ZDHHC15: variants seen among roughly 807,000 people sequenced by gnomAD.
ZDHHC15 encodes the protein zDHHC palmitoyltransferase 15.
Under a neutral mutation model 31.7 loss-of-function variants are expected in ZDHHC15, and 19 were observed. That is an observed-to-expected ratio of 0.60 (90% confidence interval 0.42 to 0.88). ZDHHC15 has a LOEUF of 0.88. ZDHHC15 is among the 40% of genes least tolerant of loss of function. ZDHHC15 has a pLI of 0.00. For missense variants in ZDHHC15, 209 were observed against 251.2 expected (o/e 0.83, Z 1.14); for synonymous variants, 103 against 90.0 (o/e 1.14, Z -0.82).
intron 4 of ZDHHC15, among the ~76,000 whole-genome samples, chrX:75,448,117 GGAAA>G (rs1472346059): frequency 8.9e-6 from 1 of 112,113 alleles, no homozygotes; most frequent in African/African-American, 3.2e-5. Flanking sequence ...CTGCAATGGA[GGAAA>G]GAAAGACTAT....
chrX:75,485,128 G>T (rs1173934670), intron 2 of ZDHHC15, among the ~76,000 whole-genome samples: 1 of 111,447 alleles, frequency 9.0e-6, no homozygotes, highest in Non-Finnish European at 1.9e-5. Context: ...TAACTGTATA[G>T]TGGTGGTTTT....
chrX:75,438,732 G>T (rs891231994), intron 4 of ZDHHC15, among the ~76,000 whole-genome samples: 1 of 111,173 alleles, frequency 9.0e-6, no homozygotes, highest in African/African-American at 3.3e-5. Flanking sequence ...TTTACATTGT[G>T]TTTTTGTTTT....
intron 2 of ZDHHC15, among the ~76,000 whole-genome samples, chrX:75,494,386 C>T (rs781156098): frequency 9.0e-6 from 1 of 111,169 alleles, no homozygotes; most frequent in African/African-American, 3.3e-5. Context: ...TCAATGCCAT[C>T]CCCATCAAGC....
chrX:75,401,227 A>G (rs1178752493), intron 10 of ZDHHC15, among the ~76,000 whole-genome samples: 1 of 108,671 alleles, frequency 9.2e-6, no homozygotes, highest in Non-Finnish European at 1.9e-5. Flanking sequence ...CTAATACATT[A>G]AAGCAGTCAC....
At chrX:75,409,656 G>T (rs1213330459) in intron 10 of ZDHHC15, among the ~76,000 whole-genome samples, 1 of 106,414 alleles carries the variant, frequency 9.4e-6, no homozygotes, top group Non-Finnish European at 1.9e-5. Context: ...TTAGCTGGGC[G>T]TGGTGGCAGG....
chrX:75,517,868 C>T (rs890847562), intron 1 of ZDHHC15, among the ~76,000 whole-genome samples: 1 of 110,216 alleles, frequency 9.1e-6, no homozygotes, highest in Non-Finnish European at 1.9e-5. Flanking sequence ...ACAGGGCACA[C>T]GCCTGTAGCC....
At chrX:75,438,948 G>A (rs1165545989) in intron 4 of ZDHHC15, among the ~76,000 whole-genome samples, 1 of 111,419 alleles carries the variant, frequency 9.0e-6, no homozygotes, top group Non-Finnish European at 1.9e-5. Context: ...TTCTTGGCTG[G>A]TAATTATTTT....
chrX:75,458,410 C>T (rs750799711), intron 3 of ZDHHC15, among the ~76,000 whole-genome samples: 1 of 111,485 alleles, frequency 9.0e-6, no homozygotes, highest in East Asian at 2.8e-4. Flanking sequence ...TATGGGGAAA[C>T]ATTCATCAAA....
At chrX:75,433,117 T>A (rs1168477511) in intron 4 of ZDHHC15, among the ~76,000 whole-genome samples, 1 of 112,084 alleles carries the variant, frequency 8.9e-6, no homozygotes, top group Non-Finnish European at 1.9e-5. Flanking sequence ...GCCTATCTCT[T>A]CAAATGAATC....
At chrX:75,452,737 C>G (rs897353185) in intron 3 of ZDHHC15, among the ~76,000 whole-genome samples, 1 of 111,949 alleles carries the variant, frequency 8.9e-6, no homozygotes, top group Non-Finnish European at 1.9e-5. Context: ...GAAACTCAGT[C>G]AAAACCGCAC....
intron 10 of ZDHHC15, among the ~76,000 whole-genome samples, chrX:75,410,776 T>G (rs766111001): frequency 1.2e-4 from 14 of 112,471 alleles, no homozygotes; most frequent in Non-Finnish European, 2.4e-4. Context: ...CAAAGAGATA[T>G]TTGTACTCCT....
At chrX:75,506,400 C>T (rs954245649) in intron 1 of ZDHHC15, among the ~76,000 whole-genome samples, 8 of 111,422 alleles carry the variant, frequency 7.2e-5, no homozygotes, top group Non-Finnish European at 1.5e-4. Context: ...TTTCTTCAGG[C>T]CTTTCATCAG....
At chrX:75,461,579 A>T (rs969045973) in intron 3 of ZDHHC15, among the ~76,000 whole-genome samples, 1 of 112,005 alleles carries the variant, frequency 8.9e-6, no homozygotes, top group African/African-American at 3.2e-5. Flanking sequence ...CTAACAGCAG[A>T]TCTCCCAGTG....
At chrX:75,447,862 G>A (rs960052837) in intron 4 of ZDHHC15, among the ~76,000 whole-genome samples, 2 of 111,826 alleles carry the variant, frequency 1.8e-5, no homozygotes, top group African/African-American at 3.2e-5. Context: ...TGGAATCCTC[G>A]TATCTCTGAA....
chrX:75,452,867 G>C (rs1438999433), intron 3 of ZDHHC15, among the ~76,000 whole-genome samples: 2 of 111,687 alleles, frequency 1.8e-5, no homozygotes, highest in Admixed American at 1.9e-4. Flanking sequence ...AGAATCTCTG[G>C]GACACATTTA....
chrX:75,469,756 C>A (rs932045137), intron 3 of ZDHHC15, among the ~76,000 whole-genome samples: 19 of 111,271 alleles, frequency 1.7e-4, no homozygotes, highest in Non-Finnish European at 3.4e-4. Flanking sequence ...AATTGCTAGA[C>A]CCTGTGGTGG....
intron 4 of ZDHHC15, among the ~76,000 whole-genome samples, chrX:75,434,389 T>C (rs2083822792): frequency 8.9e-6 from 1 of 112,174 alleles, no homozygotes; most frequent in Non-Finnish European, 1.9e-5. Context: ...TTTGGGTTCT[T>C]GGTCATGAAC....
intron 2 of ZDHHC15, among the ~76,000 whole-genome samples, chrX:75,489,247 T>C (rs970805554): frequency 8.1e-5 from 9 of 111,702 alleles, no homozygotes; most frequent in Non-Finnish European, 1.7e-4. Context: ...AGAGTAGTGG[T>C]TCTCCCAGCA....
rs1439830163 is a variant in ZDHHC15 at position 75,518,794 on chromosome X, TATATATATATATACACACAC to T, written c.136+4075_136+4094del. On this transcript the variant is annotated intron_variant, in intron 1 of 11. Coordinates refer to ENST00000373367, the MANE Select transcript of ZDHHC15 (RefSeq NM_144969.3). ...GTATATATATATATATATATATATA[TATATATATATATACACACAC>T]ACACACACACACACACACACACACA... 2.3e-4 allele frequency among the ~76,000 whole-genome samples: 6 copies of T among 26,411 alleles called. No homozygotes were observed. In the South Asian group the frequency reaches 8.8e-3, roughly 39 times the overall value. 22.9% of individuals were successfully genotyped at this position (26,411 alleles called of 115,157 possible).
Sources: allele counts gnomAD v4.1 joint callset (sites outside exome capture counted in the v4.1 genomes callset), GRCh38; gene constraint gnomAD v4.1.1; transcripts MANE v1.5; gene names NCBI Gene and HGNC (gene_info 2026-07-23, HGNC 2026-07-21).